The following GRIA3 variants were observed in gnomAD, a reference collection of about 807,000 sequenced individuals.
GRIA3 encodes glutamate ionotropic receptor AMPA type subunit 3.
Under a neutral mutation model 63.0 loss-of-function variants are expected in GRIA3, and 3 were observed. The observed-to-expected ratio is 0.05, with a 90% confidence interval of 0.02 to 0.12. GRIA3 has a LOEUF of 0.12. Among genes scored for constraint, GRIA3 ranks in the 10% least tolerant of loss-of-function variants. The pLI is 1.00. For missense variants in GRIA3, 347 were observed against 700.9 expected, an observed-to-expected ratio of 0.50 and a Z score of 5.70; for synonymous variants, 274 against 257.9, an observed-to-expected ratio of 1.06 and a Z score of -0.60.
intron 3 of GRIA3, among the ~76,000 whole-genome samples, chrX:123,315,704 T>C (rs2044826463): frequency 8.9e-6 from 1 of 112,142 alleles, no homozygotes; most frequent in South Asian, 3.7e-4. Flanking sequence ...TCTTTACTTC[T>C]GTCTCAGAAA....
At chrX:123,460,729 T>G (rs1477723795) in intron 12 of GRIA3, among the ~76,000 whole-genome samples, 4 of 111,968 alleles carry the variant, frequency 3.6e-5, no homozygotes, top group Non-Finnish European at 7.5e-5. Context: ...TTACATTATT[T>G]TTATATCTTT....
At chrX:123,201,852 G>C (rs1241703346) in intron 2 of GRIA3, among the ~76,000 whole-genome samples, 2 of 111,671 alleles carry the variant, frequency 1.8e-5, no homozygotes, top group Non-Finnish European at 3.8e-5. Context: ...AAAAGTAAAG[G>C]CGCAGGAAAG....
At chrX:123,283,088 C>T (rs953300936) in intron 3 of GRIA3, among the ~76,000 whole-genome samples, 1 of 111,489 alleles carries the variant, frequency 9.0e-6, no homozygotes, top group Non-Finnish European at 1.9e-5. Context: ...GTGCAGCCCA[C>T]GAAAGGCGAG....
chrX:123,329,821 A>T (rs918830505), intron 4 of GRIA3, among the ~76,000 whole-genome samples: 2 of 112,190 alleles, frequency 1.8e-5, no homozygotes, highest in African/African-American at 6.5e-5. Context: ...ACTGGTGGAC[A>T]GCTGCCTTAC....
At chrX:123,232,339 T>G (rs778906479) in intron 2 of GRIA3, among the ~76,000 whole-genome samples, 15 of 111,880 alleles carry the variant, frequency 1.3e-4, no homozygotes, top group African/African-American at 3.9e-4. Flanking sequence ...AGAGGTCATT[T>G]CTGTTATGGC....
chrX:123,407,939 C>T (rs756373366), intron 10 of GRIA3, among the ~76,000 whole-genome samples: 1 of 110,376 alleles, frequency 9.1e-6, no homozygotes, highest in Non-Finnish European at 1.9e-5. Context: ...AAATTTAAGG[C>T]GTAAGTGTCT....
At chrX:123,383,710 T>TC (rs1178087131) in intron 5 of GRIA3, among the ~76,000 whole-genome samples, 1 of 111,902 alleles carries the variant, frequency 8.9e-6, no homozygotes, top group East Asian at 2.8e-4. Flanking sequence ...ATCTTTTTTT[T>TC]CAACTTTTAT....
At chrX:123,211,945 G>A (rs975668591) in intron 2 of GRIA3, among the ~76,000 whole-genome samples, 4 of 111,588 alleles carry the variant, frequency 3.6e-5, no homozygotes, top group Non-Finnish European at 7.5e-5. Flanking sequence ...TATCGTTATT[G>A]AGCATGGACT....
intron 15 of GRIA3, 86 bp downstream of exon 15, chrX:123,483,132 G>C (rs1179603740): frequency 3.9e-6 from 3 of 772,184 alleles, no homozygotes; most frequent in Non-Finnish European, 5.7e-6. Context: ...TTTTTAGTTT[G>C]GTTTATTGTT....
chrX:123,268,665 T>A (rs370068456), intron 3 of GRIA3, among the ~76,000 whole-genome samples: 2 of 110,502 alleles, frequency 1.8e-5, no homozygotes, highest in East Asian at 5.7e-4. Flanking sequence ...GTCTTTAAAG[T>A]TCTTAAGGCT....
At chrX:123,236,163 T>C (rs1360830173) in intron 2 of GRIA3, among the ~76,000 whole-genome samples, 1 of 111,895 alleles carries the variant, frequency 8.9e-6, no homozygotes, top group East Asian at 2.8e-4. Context: ...TCAAATATCA[T>C]TGCTGCCTGG....
At chrX:123,372,339 T>C (rs986184509) in intron 5 of GRIA3, among the ~76,000 whole-genome samples, 6 of 112,152 alleles carry the variant, frequency 5.3e-5, no homozygotes, top group African/African-American at 1.3e-4. Flanking sequence ...TTTCTCAGGA[T>C]AGCTTTGGCT....
At chrX:123,295,908 T>C (rs749057727) in intron 3 of GRIA3, among the ~76,000 whole-genome samples, 1 of 111,564 alleles carries the variant, frequency 9.0e-6, no homozygotes, top group Admixed American at 9.5e-5. Context: ...CTAAGTGATA[T>C]GTGTGTAGAA....
At chrX:123,410,074 T>C (rs1176868871) in intron 10 of GRIA3, among the ~76,000 whole-genome samples, 1 of 112,029 alleles carries the variant, frequency 8.9e-6, no homozygotes, top group Non-Finnish European at 1.9e-5. Context: ...CTATTTTTCA[T>C]CCAAGATACT....
intron 4 of GRIA3, among the ~76,000 whole-genome samples, chrX:123,326,659 A>C (rs942667459): frequency 2.7e-5 from 3 of 111,411 alleles, no homozygotes. Flanking sequence ...CCTTCTAAAG[A>C]TCACCACCCA....
chrX:123,380,485 T>G (rs1471641071), intron 5 of GRIA3, among the ~76,000 whole-genome samples: 7 of 111,881 alleles, frequency 6.3e-5, no homozygotes, highest in Admixed American at 3.8e-4. Context: ...CACTTTTTGA[T>G]GGGGTTGTTG....
At chrX:123,424,630 A>T (rs1356581133) in intron 11 of GRIA3, among the ~76,000 whole-genome samples, 1 of 111,795 alleles carries the variant, frequency 8.9e-6, no homozygotes. Context: ...GTATATCATG[A>T]CATTAACCAC....
chrX:123,255,518 C>T (rs779787957), intron 3 of GRIA3, among the ~76,000 whole-genome samples: 164 of 108,285 alleles, frequency 1.5e-3, no homozygotes, highest in African/African-American at 5.2e-3. Context: ...ATTTTAAAAA[C>T]GAAATATTGG....
At chrX:123,441,956 T>C (rs2045676591) in intron 12 of GRIA3, among the ~76,000 whole-genome samples, 1 of 112,445 alleles carries the variant, frequency 8.9e-6, no homozygotes, top group Non-Finnish European at 1.9e-5. Flanking sequence ...TCCATTTTCT[T>C]GGCCTGGGAT....
Sources: allele counts gnomAD v4.1 joint callset (sites outside exome capture counted in the v4.1 genomes callset), GRCh38; gene constraint gnomAD v4.1.1; transcripts MANE v1.5; gene names NCBI Gene and HGNC (gene_info 2026-07-23, HGNC 2026-07-21).